MMP12: variants seen among roughly 807,000 people sequenced by gnomAD.
MMP12 encodes the protein matrix metallopeptidase 12, also known as macrophage metalloelastase.
Under a neutral mutation model 45.2 loss-of-function variants are expected in MMP12, and 51 were observed. The observed-to-expected ratio is 1.13, with a 90% CI of 0.90 to 1.42. MMP12 has a LOEUF of 1.42. Among genes scored for constraint, MMP12 ranks in the 40% most tolerant of loss-of-function variants. MMP12 has a pLI of 0.00. For missense variants in MMP12, 530 were observed against 570.8 expected (o/e 0.93, Z 0.73); for synonymous variants, 210 against 193.3 (o/e 1.09, Z -0.72).
intron 1 of MMP12, among the ~76,000 whole-genome samples, chr11:102,874,545 C>T (rs1011708978): frequency 2.0e-5 from 3 of 152,164 alleles, no homozygotes; most frequent in Admixed American, 6.5e-5. Flanking sequence ...AATACCATAA[C>T]AGAAGTGAAC....
Position 102,868,008 on chromosome 11 carries a change from A to AGAATGGCCAAGACCTAAG in MMP12, c.669_686dup (p.Leu224_Ser229dup). On this transcript the variant is annotated inframe_insertion, in exon 5 of 10. Coordinates refer to ENST00000571244, the MANE Select transcript of MMP12 (RefSeq NM_002426.6). The stretch of plus-strand genomic sequence containing the variant: ...GGAACATTACGGCCTTTGGATCACT[A>AGAATGGCCAAGACCTAAG]GAATGGCCAAGACCTAAGGAATGGC... The AGAATGGCCAAGACCTAAG allele has an allele frequency of 6.2e-7, 1 of 1,605,454 alleles. No homozygotes were observed. Among genetic ancestry groups the AGAATGGCCAAGACCTAAG allele is most frequent in the Non-Finnish European group, 8.5e-7 (1 of 1,175,924 alleles).
rs1211990730 is a variant in MMP12 at position 102,867,269 on chromosome 11, C to T, written c.911+1G>A. 6.3e-7 allele frequency: 1 copy of T among 1,589,120 alleles called. No individual in the cohort carries two copies. The highest frequency in any genetic ancestry group is 1.8e-5 in the Admixed American group (1 of 55,382). ...TTGGTTAGATATGAAAATGATCCTA[C>T]CTGTCTTTGAAGAAAAAGATCTTAT... On this transcript the variant is annotated splice_donor_variant, in intron 6 of 9. Coordinates refer to ENST00000571244, the MANE Select transcript of MMP12 (RefSeq NM_002426.6). LOFTEE classifies it high-confidence loss of function.
intron 4 of MMP12, 75 bp downstream of exon 4, chr11:102,871,519 A>C (rs1859494666): frequency 6.6e-7 from 1 of 1,512,358 alleles, no homozygotes; most frequent in Admixed American, 2.1e-5. Context: ...AGAATTTTGA[A>C]TTTGTTAGGG....
chr11:102,868,670 C>T (rs1555008965), intron 4 of MMP12, among the ~76,000 whole-genome samples: 2 of 152,100 alleles, frequency 1.3e-5, no homozygotes, highest in African/African-American at 4.8e-5. Context: ...GAAAGGAAGC[C>T]ACTGTGCTCT....
At chr11:102,868,610 C>T (rs1167884625) in intron 4 of MMP12, among the ~76,000 whole-genome samples, 6 of 152,124 alleles carry the variant, frequency 3.9e-5, no homozygotes, top group African/African-American at 1.4e-4. Flanking sequence ...GTTTCAGGTA[C>T]TGTGAGTCAC....
At chr11:102,873,152 C>A (rs200813655) in intron 1 of MMP12, 40 bp from the exon 2 acceptor site, 8 of 1,578,488 alleles carry the variant, frequency 5.1e-6, no homozygotes, top group Non-Finnish European at 6.9e-6. Flanking sequence ...TAAGTACACA[C>A]AGAAAATTTC....
chr11:102,867,781 C>T, intron 5 of MMP12, 127 bp downstream of exon 5: 1 of 952,692 alleles, frequency 1.0e-6, no homozygotes, highest in Non-Finnish European at 1.6e-6. Flanking sequence ...GTGTCACCTG[C>T]CACACAGGGT....
intron 4 of MMP12, among the ~76,000 whole-genome samples, chr11:102,870,196 A>G (rs1859467141): frequency 6.6e-6 from 1 of 152,240 alleles, no homozygotes; most frequent in Non-Finnish European, 1.5e-5. Context: ...GTCTATTAGA[A>G]TTCCAAAACA....
rs1555009884 is a variant in MMP12 at position 102,874,890 on chromosome 11, A to C, written c.48T>G (p.Ala16=). The C allele has an allele frequency of 1.2e-6, 2 of 1,607,074 alleles. No homozygotes were observed. The highest frequency in any genetic ancestry group is 1.7e-6 in the Non-Finnish European group (2 of 1,176,586). The change falls in exon 1 of 10, where the codon GCT becomes GCG. Residue 16 remains alanine (A), a synonymous_variant. Coordinates refer to ENST00000571244, the MANE Select transcript of MMP12 (RefSeq NM_002426.6). ...GGCTTGTAGAGCTGTTCAGGGGAAG[A>C]GCTCCAGAAGCAGTGGCCTGCAGGA... ...ILLLQATASG[A]LPLNSSTSLE...
Position 102,873,085 on chromosome 11 carries a change from C to G in MMP12, c.130G>C (p.Glu44Gln), listed in dbSNP as rs201876594. 1.7e-5 allele frequency: 28 copies of G among 1,612,194 alleles called. No individual in the cohort carries two copies. The highest frequency in any genetic ancestry group is 2.3e-5 in the Non-Finnish European group (27 of 1,179,182). ...TTTGTCACTGGAAGTTTGTTTATCT[C>G]AAGGCCATAAAATTTTTCTAAGTAT... The part of the protein sequence containing the change: ...ERYLEKFYGL[E>Q]INKLPVTKMK... The change falls in exon 2 of 10, where the codon GAG becomes CAG. Residue 44 changes from glutamate to glutamine, a missense_variant. Coordinates refer to ENST00000571244, the MANE Select transcript of MMP12 (RefSeq NM_002426.6).
chr11:102,869,246 A>ACT (rs1859449436), intron 4 of MMP12, among the ~76,000 whole-genome samples: 1 of 149,510 alleles, frequency 6.7e-6, no homozygotes, highest in African/African-American at 2.5e-5. Context: ...GCCTTGGAAT[A>ACT]CTCTCCCATA....
chr11:102,868,065 T>C lies in MMP12; in HGVS notation c.630A>G (p.Thr210=). 1 of 1,593,192 alleles carries C rather than the reference T, an allele frequency of 6.3e-7. No individual in the cohort carries two copies. Among genetic ancestry groups the C allele is most frequent in the Non-Finnish European group, 8.6e-7 (1 of 1,169,414 alleles). The part of the protein sequence containing the change: ...DEFWTTHSGG[T]NLFLTAVHEI... ...CGTGAACAGCAGTGAGGAACAAGTT[T>C]GTGCCTAAGAAGAAACCAACCAAAA... Residue 210 remains threonine (T), a synonymous_variant, in exon 5 of 10, where the codon ACA becomes ACG. Coordinates refer to ENST00000571244, the MANE Select transcript of MMP12 (RefSeq NM_002426.6).
At chr11:102,866,503 TG>T in intron 6 of MMP12, 55 bp from the exon 7 acceptor site, 1 of 1,578,686 alleles carries the variant, frequency 6.3e-7, no homozygotes, top group Non-Finnish European at 8.6e-7. Context: ...TCAAGAACCA[TG>T]GCATGTGAAT....
At chr11:102,871,349 TA>T (rs782700346) in intron 4 of MMP12, among the ~76,000 whole-genome samples, 2 of 152,164 alleles carry the variant, frequency 1.3e-5, no homozygotes, top group Admixed American at 6.5e-5. Context: ...CATAGATTGT[TA>T]GAGCTGATCT....
In MMP12 at chr11:102,871,624, C is replaced by T. The variant is rs1859497489; in HGVS notation, c.595G>A (p.Glu199Lys). 6.4e-7 allele frequency: 1 copy of T among 1,561,740 alleles called. No homozygotes were observed. The change falls in exon 4 of 10, where the codon GAG (glutamate) becomes AAG (lysine). Residue 199 changes from glutamate to lysine, a missense_variant. Physicochemically the swap from Glu to Lys is moderately conservative, Grantham distance 56. Transcript: ENST00000571244. ...GAATGTGTAGTCCAGAATTCGTCCTCATCGAAATGTGCATCCCCTCCAATG... is the reference window on the plus strand; with the variant it reads ...GAATGTGTAGTCCAGAATTCGTCCTTATCGAAATGTGCATCCCCTCCAATG... ...SGIGGDAHFD[E>K]DEFWTTHSGG...
chr11:102,867,157 T>C, intron 6 of MMP12, 113 bp downstream of exon 6: 1 of 972,950 alleles, frequency 1.0e-6, no homozygotes, highest in Non-Finnish European at 1.5e-6. Flanking sequence ...CGAGTCCAAG[T>C]TCCTGCTTAC....
intron 4 of MMP12, among the ~76,000 whole-genome samples, chr11:102,870,272 C>A (rs868986925): frequency 2.0e-5 from 3 of 152,190 alleles, no homozygotes; most frequent in Non-Finnish European, 4.4e-5. Flanking sequence ...CCCCAAATAA[C>A]CTTGGATAAA....
intron 4 of MMP12, 39 bp downstream of exon 4, chr11:102,871,555 G>C: frequency 6.5e-7 from 1 of 1,545,582 alleles, no homozygotes; most frequent in Non-Finnish European, 8.7e-7. Context: ...TTTCCTGTTT[G>C]CTTAGTTTTT....
At chr11:102,874,484 TG>T (rs1859558741) in intron 1 of MMP12, among the ~76,000 whole-genome samples, 1 of 152,230 alleles carries the variant, frequency 6.6e-6, no homozygotes, top group African/African-American at 2.4e-5. Context: ...ATATTAATCC[TG>T]CCATTGTTCA....
Sources: gnomAD v4.1 joint callset for allele counts (sites outside exome capture counted in the v4.1 genomes callset) on GRCh38, gnomAD v4.1.1 for gene constraint, MANE v1.5 for transcripts, NCBI Gene and HGNC (gene_info 2026-07-23, HGNC 2026-07-21) for gene names.